RBFOX1: variants seen among roughly 807,000 people sequenced by gnomAD.
RBFOX1 encodes the protein RNA binding fox-1 homolog 1, also known as RNA binding protein fox-1 homolog 1.
In RBFOX1, 8 loss-of-function variants were observed where a neutral mutation model predicts 57.7. The ratio of observed to expected loss-of-function variants is 0.14; its 90% CI spans 0.08 to 0.25. RBFOX1 has a LOEUF of 0.25. RBFOX1 is among the 10% of genes least tolerant of loss of function. The pLI is 1.00. For missense variants in RBFOX1, 611 were observed against 548.5 expected (o/e 1.11, Z -1.14); for synonymous variants, 326 against 222.4 (o/e 1.47, Z -4.15).
At chr16:6,912,706 C>G (rs1479033963) in intron 3 of RBFOX1, among the ~76,000 whole-genome samples, 2 of 151,872 alleles carry the variant, frequency 1.3e-5, no homozygotes, top group African/African-American at 2.4e-5. Context: ...GCGCCCCAAC[C>G]TCCTGGGCTC....
At chr16:6,462,163 G>A (rs1267719475) in intron 2 of RBFOX1, among the ~76,000 whole-genome samples, 3 of 152,060 alleles carry the variant, frequency 2.0e-5, no homozygotes, top group East Asian at 1.9e-4. Flanking sequence ...TTTTGGAACC[G>A]TTAACCCAAC....
chr16:7,076,673 C>G (rs1261847372), intron 4 of RBFOX1, among the ~76,000 whole-genome samples: 1 of 152,114 alleles, frequency 6.6e-6, no homozygotes, highest in Non-Finnish European at 1.5e-5. Context: ...CAAAGGTTAA[C>G]AACACAAAGT....
At chr16:5,847,592 A>G (rs1203733282) in intron 3 of RBFOX1, among the ~76,000 whole-genome samples, 1 of 152,204 alleles carries the variant, frequency 6.6e-6, no homozygotes. Context: ...CAACATGGTT[A>G]TGAATTGAAC....
intron 3 of RBFOX1, among the ~76,000 whole-genome samples, chr16:5,687,643 A>G (rs746745020): frequency 6.6e-6 from 1 of 152,114 alleles, no homozygotes; most frequent in Non-Finnish European, 1.5e-5. Flanking sequence ...TGAAACCAGT[A>G]TGCTCCTAGG....
chr16:7,552,104 T>A (rs970394403), intron 5 of RBFOX1, among the ~76,000 whole-genome samples: 1 of 152,236 alleles, frequency 6.6e-6, no homozygotes, highest in East Asian at 1.9e-4. Flanking sequence ...TCTCATTCTC[T>A]CCACCACCCG....
chr16:5,964,867 G>T (rs906865781), intron 4 of RBFOX1, among the ~76,000 whole-genome samples: 1 of 151,790 alleles, frequency 6.6e-6, no homozygotes, highest in Admixed American at 6.6e-5. Context: ...TTCATTAATG[G>T]CTGAATGGAT....
intron 2 of RBFOX1, among the ~76,000 whole-genome samples, chr16:6,437,827 C>G (rs2094278832): frequency 6.6e-6 from 1 of 152,148 alleles, no homozygotes; most frequent in African/African-American, 2.4e-5. Flanking sequence ...ATCAGGAGAA[C>G]AGCATGGGGG....
intron 3 of RBFOX1, among the ~76,000 whole-genome samples, chr16:5,853,078 G>C (rs1008391425): frequency 6.6e-6 from 1 of 152,120 alleles, no homozygotes; most frequent in Admixed American, 6.6e-5. Context: ...CCTAGGAAAA[G>C]AGACTATGGA....
intron 2 of RBFOX1, among the ~76,000 whole-genome samples, chr16:6,337,554 T>C (rs553861048): frequency 1.3e-5 from 2 of 152,342 alleles, no homozygotes; most frequent in South Asian, 4.1e-4. Context: ...CTCTCAATTG[T>C]ACACCTGGAT....
chr16:6,406,808 G>A (rs897643533), intron 2 of RBFOX1, among the ~76,000 whole-genome samples: 1 of 152,064 alleles, frequency 6.6e-6, no homozygotes, highest in Non-Finnish European at 1.5e-5. Context: ...ATTCAGAGCT[G>A]GAAAACTTAA....
intron 13 of RBFOX1, among the ~76,000 whole-genome samples, chr16:7,665,578 A>C (rs1175189233): frequency 6.6e-6 from 1 of 152,144 alleles, no homozygotes; most frequent in African/African-American, 2.4e-5. Context: ...TAACACTTTA[A>C]GTTTATTTTT....
chr16:6,156,367 T>C lies in RBFOX1; in HGVS notation c.-127+136375T>C, dbSNP rs181256679. 1.3e-3 allele frequency among the ~76,000 whole-genome samples: 204 copies of C among 152,324 alleles called. 1 individual carries two copies. Among genetic ancestry groups the C allele is most frequent in the Middle Eastern group, 6.8e-3 (2 of 294 alleles). ...TTTTCTAGCCCCACCCAGTGAATCA[T>C]GGTTGGCTTTGACTGATCGTAAAAT... On this transcript the variant is annotated intron_variant, in intron 1 of 15. Coordinates refer to ENST00000550418, the MANE Select transcript of RBFOX1 (RefSeq NM_018723.4).
chr16:6,362,582 C>T (rs190081749), intron 2 of RBFOX1, among the ~76,000 whole-genome samples: 17 of 152,240 alleles, frequency 1.1e-4, no homozygotes, highest in Middle Eastern at 3.4e-3. Context: ...TCTGTTACAA[C>T]GTGCAAATTA....
At chr16:7,227,487 T>A (rs2152893485) in intron 4 of RBFOX1, among the ~76,000 whole-genome samples, 1 of 152,156 alleles carries the variant, frequency 6.6e-6, no homozygotes, top group East Asian at 1.9e-4. Flanking sequence ...GGGTTATTTA[T>A]CTAACTGTCT....
chr16:6,682,334 C>T (rs970609374), intron 3 of RBFOX1, among the ~76,000 whole-genome samples: 2 of 152,150 alleles, frequency 1.3e-5, no homozygotes, highest in East Asian at 1.9e-4. Context: ...ACTAGAGGCG[C>T]CCCTTGTGCT....
intron 4 of RBFOX1, among the ~76,000 whole-genome samples, chr16:7,165,399 A>G (rs577497464): frequency 6.8e-6 from 1 of 147,216 alleles, no homozygotes; most frequent in African/African-American, 2.5e-5. Flanking sequence ...AATAATAATA[A>G]TAATAATAAT....
intron 1 of RBFOX1, among the ~76,000 whole-genome samples, chr16:6,044,936 T>C (rs2152423738): frequency 6.6e-6 from 1 of 152,328 alleles, no homozygotes; most frequent in East Asian, 1.9e-4. Context: ...AATTTTGAGC[T>C]ATTTGTGCTA....
chr16:6,355,654 A>T (rs1376354356), intron 2 of RBFOX1, among the ~76,000 whole-genome samples: 1 of 152,174 alleles, frequency 6.6e-6, no homozygotes, highest in African/African-American at 2.4e-5. Flanking sequence ...ATACCCAATA[A>T]TGGGATTGCT....
intron 4 of RBFOX1, among the ~76,000 whole-genome samples, chr16:7,221,524 A>G (rs946275715): frequency 2.0e-5 from 3 of 151,768 alleles, no homozygotes; most frequent in African/African-American, 7.3e-5. Context: ...GTGCCATCAC[A>G]CCTAGCTAAT....
Sources: allele counts gnomAD v4.1 joint callset (sites outside exome capture counted in the v4.1 genomes callset), GRCh38; gene constraint gnomAD v4.1.1; transcripts MANE v1.5; gene names NCBI Gene and HGNC (gene_info 2026-07-23, HGNC 2026-07-21).